ZCCHC14: variants seen among roughly 807,000 people sequenced by gnomAD.
ZCCHC14 encodes the protein zinc finger CCHC-type containing 14, also known as zinc finger CCHC domain-containing protein 14.
A neutral mutation model predicts 85.0 loss-of-function variants in ZCCHC14; 16 were observed. That is an observed-to-expected ratio of 0.19 (90% CI 0.13 to 0.29). The LOEUF is 0.29. Among genes scored for constraint, ZCCHC14 ranks in the 10% least tolerant of loss-of-function variants. The pLI is 1.00. For synonymous variants in ZCCHC14, 775 were observed against 630.7 expected, an observed-to-expected ratio of 1.23 and a Z score of -3.43; for missense variants, 1,303 against 1,443.5, an observed-to-expected ratio of 0.90 and a Z score of 1.58.
intron 2 of ZCCHC14, among the ~76,000 whole-genome samples, chr16:87,453,412 T>G (rs1307182865): frequency 1.3e-5 from 2 of 152,218 alleles, no homozygotes; most frequent in Admixed American, 1.3e-4. Context: ...GGGTGCGGGT[T>G]TGTGCTTTTC....
At chr16:87,432,051 G>C (rs1418782361) in intron 3 of ZCCHC14, among the ~76,000 whole-genome samples, 1 of 152,206 alleles carries the variant, frequency 6.6e-6, no homozygotes. Context: ...TGTCCCTTTA[G>C]TGGAAAAAGG....
At chr16:87,435,616 C>T (rs1024226709) in intron 2 of ZCCHC14, among the ~76,000 whole-genome samples, 3 of 152,262 alleles carry the variant, frequency 2.0e-5, no homozygotes, top group Admixed American at 2.0e-4. Context: ...CACCCGGCCA[C>T]GTCCCAGGTC....
chr16:87,448,741 A>G (rs1910554615), intron 2 of ZCCHC14, among the ~76,000 whole-genome samples: 3 of 152,098 alleles, frequency 2.0e-5, no homozygotes, highest in African/African-American at 4.8e-5. Flanking sequence ...CTCCCACAAA[A>G]TGTTAATTGG....
intron 2 of ZCCHC14, among the ~76,000 whole-genome samples, chr16:87,440,630 A>G (rs1910137503): frequency 6.6e-6 from 1 of 151,988 alleles, no homozygotes; most frequent in African/African-American, 2.4e-5. Context: ...TCTTTTTGAC[A>G]GGGTCTCACT....
At chr16:87,436,044 A>C (rs1183505149) in intron 2 of ZCCHC14, among the ~76,000 whole-genome samples, 2 of 152,262 alleles carry the variant, frequency 1.3e-5, no homozygotes, top group Non-Finnish European at 2.9e-5. Context: ...ATGAATACAG[A>C]AACATGTAGT....
In ZCCHC14 at chr16:87,409,045, G is replaced by A. The variant is rs562126000; in HGVS notation, c.*1235C>T. On this transcript the variant is annotated 3_prime_UTR_variant, in exon 13 of 13. Transcript: ENST00000671377. ...GTTGAAATTTAGAGATCTACAGTGA[G>A]GACTTTTATTACTACCTAACCAAAA... The A allele has an allele frequency of 7.2e-5, 11 of 152,602 alleles. No individual in the cohort carries two copies. Among genetic ancestry groups the A allele is most frequent in the African/African-American group, 2.2e-4 (9 of 41,520 alleles). The allele number at this position is 152,602 out of a possible 1,614,324, so 9.5% of individuals were successfully genotyped here.
intron 1 of ZCCHC14, among the ~76,000 whole-genome samples, chr16:87,475,611 G>A (rs1055220307): frequency 1.4e-5 from 2 of 140,136 alleles, no homozygotes; most frequent in Admixed American, 7.1e-5. Flanking sequence ...ATTTCTAAAC[G>A]AAGAAAAATC....
chr16:87,434,898 G>A (rs1396825610), intron 2 of ZCCHC14, among the ~76,000 whole-genome samples: 5 of 151,100 alleles, frequency 3.3e-5, no homozygotes, highest in Admixed American at 2.7e-4. Flanking sequence ...GGCTGAGGCA[G>A]GAGAATTGCT....
chr16:87,441,634 G>A (rs935554447), intron 2 of ZCCHC14, among the ~76,000 whole-genome samples: 4 of 152,102 alleles, frequency 2.6e-5, no homozygotes, highest in African/African-American at 7.2e-5. Context: ...AAAATTAGGG[G>A]CTTTATTGTA....
At chr16:87,418,019 G>A (rs549669597) in intron 7 of ZCCHC14, 254 of 464,628 alleles carry the variant, frequency 5.5e-4, no homozygotes, top group Admixed American at 8.8e-4. Context: ...CCCGTGCTTC[G>A]GAGTATGCGT....
At position 87,417,601 on chromosome 16, in the gene ZCCHC14, C is replaced by T; in HGVS notation, c.1242G>A (p.Gln414=). The change falls in exon 8 of 13, where the codon CAG becomes CAA. Residue 414 remains glutamine, a synonymous_variant. Coordinates refer to ENST00000671377, the MANE Select transcript of ZCCHC14 (RefSeq NM_015144.3). ...SAGSALAYRT[Q]MDTSPAILMP... is the part of the protein sequence containing the mutation. ...TGAGGATGGCAGGTGATGTGTCCAT[C>T]TGGGTCCGGTAGGCCAGGGCTGAGC... 6.2e-7 allele frequency: 1 copy of T among 1,614,250 alleles called. No individual in the cohort carries two copies. The highest frequency in any genetic ancestry group is 8.5e-7 in the Non-Finnish European group (1 of 1,180,038).
chr16:87,475,632 G>C (rs895273259), intron 1 of ZCCHC14, among the ~76,000 whole-genome samples: 1 of 151,134 alleles, frequency 6.6e-6, no homozygotes, highest in Admixed American at 6.6e-5. Context: ...CTGTGGACGA[G>C]CTTTAACAGC....
At chr16:87,482,072 G>A (rs1258204323) in intron 1 of ZCCHC14, among the ~76,000 whole-genome samples, 1 of 152,140 alleles carries the variant, frequency 6.6e-6, no homozygotes, top group Non-Finnish European at 1.5e-5. Flanking sequence ...CAGTGGCAGA[G>A]CCCTCCCGAC....
Position 87,420,371 on chromosome 16 carries a change from A to G in ZCCHC14, c.950+236T>C, listed in dbSNP as rs1432314287. On this transcript the variant is annotated intron_variant, in intron 5 of 12. Transcript: ENST00000671377. This position sits in a 1 kb window ranked among gnomAD's most constrained non-coding sequence, Gnocchi z 5.0. ...TATTTCACAGGACTGCCAAAGCCCA[A>G]GACGTGGTGGGACCCACCCTGGAAT... Among the ~76,000 whole-genome samples the G allele has an allele frequency of 6.6e-6, 1 of 152,224 alleles. No homozygotes were observed. The highest frequency in any genetic ancestry group is 1.5e-5 in the Non-Finnish European group (1 of 68,038).
rs369737445 is a variant in ZCCHC14, at chr16:87,469,818, C to A, written c.571-9687G>T. Among the ~76,000 whole-genome samples, 60 of 152,244 alleles carry A rather than the reference C, an allele frequency of 3.9e-4. No individual in the cohort carries two copies. The Middle Eastern group carries it at 0.017, about 43-fold the overall frequency. On this transcript the variant is annotated intron_variant, in intron 1 of 12. Transcript: ENST00000671377. The stretch of plus-strand genomic sequence containing the variant: ...TGCTGCACCCCTGTGGGCAGCACAC[C>A]CCCAGAAGCACTGGGGATGAGGACA...
chr16:87,485,130 C>G (rs1912455481), intron 1 of ZCCHC14, among the ~76,000 whole-genome samples: 1 of 152,138 alleles, frequency 6.6e-6, no homozygotes, highest in African/African-American at 2.4e-5. Flanking sequence ...GTGCCCCTCT[C>G]TAAGGGTGAA....
Position 87,436,482 on chromosome 16 carries a change from G to C in ZCCHC14, c.695-3281C>G, listed in dbSNP as rs565939655. ...AGTGAGGGGCCGGGCTAGTGCGGGG[G>C]CTGGGTGACCAGCCTGAGTCAAGGT... On this transcript the variant is annotated intron_variant, in intron 2 of 12. Transcript: ENST00000671377. Among the ~76,000 whole-genome samples, 3 of 152,356 alleles carry C rather than the reference G, an allele frequency of 2.0e-5. No homozygotes were observed. In the South Asian group the frequency reaches 6.2e-4, roughly 32 times the overall value.
At chr16:87,426,302 G>T (rs909187856) in intron 3 of ZCCHC14, among the ~76,000 whole-genome samples, 15 of 152,192 alleles carry the variant, frequency 9.9e-5, no homozygotes, top group African/African-American at 3.6e-4. Context: ...GTACTATGGG[G>T]ACACGTGTCC....
Position 87,413,049 on chromosome 16 carries a change from C to G in ZCCHC14, c.1744+6G>C. 1 of 1,614,156 alleles carries G rather than the reference C, an allele frequency of 6.2e-7. No individual in the cohort carries two copies. Among genetic ancestry groups the G allele is most frequent in the African/African-American group, 1.3e-5 (1 of 75,052 alleles). ...GGTCGAGCCAGCGCCGCGCACGTGC[C>G]CTTACGTCTGTCATTCTCCTCAGCG... is the stretch of plus-strand genomic sequence containing the variant. On this transcript the variant is annotated splice_donor_region_variant and intron_variant, in intron 11 of 12. Transcript: ENST00000671377.
Sources: gnomAD v4.1 joint callset for allele counts (sites outside exome capture counted in the v4.1 genomes callset) on GRCh38, gnomAD v4.1.1 for gene constraint, Gnocchi (gnomAD v3.1) non-coding constraint, MANE v1.5 for transcripts, NCBI Gene and HGNC (gene_info 2026-07-23, HGNC 2026-07-21) for gene names.